CLIC5: variants seen among roughly 807,000 people sequenced by gnomAD.
CLIC5 encodes chloride intracellular channel protein 5.
CLIC5 carries 20 observed loss-of-function variants against 24.7 expected under a neutral mutation model. The ratio of observed to expected loss-of-function variants is 0.81; its 90% CI spans 0.57 to 1.18. The LOEUF is 1.18. Ranked by LOEUF, CLIC5 falls within the 50% of genes most tolerant of loss-of-function variation. CLIC5 has a pLI of 0.00. For missense variants in CLIC5, 341 were observed against 326.1 expected (o/e 1.05, Z -0.35); for synonymous variants, 159 against 135.6 (o/e 1.17, Z -1.20).
intron 1 of CLIC5, among the ~76,000 whole-genome samples, chr6:45,956,171 T>C (rs1764635437): frequency 6.6e-6 from 1 of 152,252 alleles, no homozygotes; most frequent in African/African-American, 2.4e-5. Context: ...TGCAGATCCC[T>C]GAATTTCATA....
At chr6:45,935,822 A>G (rs540359100) in intron 4 of CLIC5, among the ~76,000 whole-genome samples, 2 of 152,258 alleles carry the variant, frequency 1.3e-5, no homozygotes, top group African/African-American at 4.8e-5. Context: ...TCCACATGAG[A>G]AAAGCAGACA....
chr6:46,047,754 TTG>T (rs1179584796), intron 1 of CLIC5, among the ~76,000 whole-genome samples: 1 of 152,316 alleles, frequency 6.6e-6, no homozygotes, highest in African/African-American at 2.4e-5. Context: ...AGTGGAGGAA[TTG>T]TGTTACCTGT....
the CLIC5 span, among the ~76,000 whole-genome samples, chr6:46,116,827 A>T: frequency 6.6e-6 from 1 of 152,252 alleles, no homozygotes; most frequent in South Asian, 2.1e-4. Flanking sequence ...ATCAGAAGAG[A>T]AGGGCTCCCT....
chr6:46,004,016 T>G (rs140023497), intron 1 of CLIC5, among the ~76,000 whole-genome samples: 7 of 152,304 alleles, frequency 4.6e-5, no homozygotes, highest in African/African-American at 1.7e-4. Flanking sequence ...CAAAAAACTG[T>G]ATGTACACAC....
chr6:45,960,145 A>G (rs769698278), intron 1 of CLIC5, among the ~76,000 whole-genome samples: 2 of 152,170 alleles, frequency 1.3e-5, no homozygotes, highest in African/African-American at 2.4e-5. Flanking sequence ...TTGTTTTAAG[A>G]CATTCCATGA....
intron 1 of CLIC5, among the ~76,000 whole-genome samples, chr6:46,047,623 G>T (rs971724171): frequency 2.6e-5 from 4 of 152,172 alleles, no homozygotes; most frequent in Non-Finnish European, 5.9e-5. Context: ...ATATTTTTCA[G>T]TGGGAAGTAC....
chr6:46,048,805 G>A (rs1299760183), intron 1 of CLIC5, among the ~76,000 whole-genome samples: 3 of 152,166 alleles, frequency 2.0e-5, no homozygotes, highest in African/African-American at 7.2e-5. Flanking sequence ...TGGGGGCCAA[G>A]AGCCTGCAGT....
At chr6:45,939,474 A>T (rs928901535) in intron 4 of CLIC5, among the ~76,000 whole-genome samples, 29 of 152,040 alleles carry the variant, frequency 1.9e-4, no homozygotes, top group Admixed American at 1.9e-3. Context: ...TGTAGTCAAG[A>T]GCCACCACAC....
At chr6:46,124,492 A>T in the CLIC5 span, among the ~76,000 whole-genome samples, 6 of 152,212 alleles carry the variant, frequency 3.9e-5, no homozygotes, top group African/African-American at 1.4e-4. Context: ...AACCTAGGCA[A>T]TACCATTCAG....
chr6:46,080,369 T>C (rs1762894416), upstream of CLIC5: 6 of 687,554 alleles, frequency 8.7e-6, no homozygotes, highest in Middle Eastern at 5.7e-4. Context: ...AACTAGCAAC[T>C]GCTATCAATG....
At chr6:46,025,367 T>C (rs942457832) in intron 1 of CLIC5, among the ~76,000 whole-genome samples, 1 of 152,212 alleles carries the variant, frequency 6.6e-6, no homozygotes, top group African/African-American at 2.4e-5. Context: ...AATCCCTCAC[T>C]GCAAACTTCA....
the CLIC5 span, among the ~76,000 whole-genome samples, chr6:46,107,335 G>T: frequency 2.0e-5 from 3 of 152,166 alleles, no homozygotes; most frequent in Non-Finnish European, 4.4e-5. Flanking sequence ...GGTGAGGCCT[G>T]GGAACAGGGC....
chr6:46,048,906 G>A (rs956934354), intron 1 of CLIC5, among the ~76,000 whole-genome samples: 2 of 152,108 alleles, frequency 1.3e-5, no homozygotes, highest in Non-Finnish European at 2.9e-5. Flanking sequence ...CTTCATAGTT[G>A]CCAAGCAATG....
intron 1 of CLIC5, among the ~76,000 whole-genome samples, chr6:46,034,049 T>C (rs1767594841): frequency 6.6e-6 from 1 of 152,246 alleles, no homozygotes. Flanking sequence ...AAGCTACTAT[T>C]GGAAATGATG....
intron 1 of CLIC5, among the ~76,000 whole-genome samples, chr6:46,070,065 A>G (rs1421216522): frequency 2.0e-5 from 3 of 152,230 alleles, no homozygotes; most frequent in Non-Finnish European, 2.9e-5. Flanking sequence ...TATCAAAGGA[A>G]CATGCCTCAA....
the CLIC5 span, among the ~76,000 whole-genome samples, chr6:46,127,259 T>C: frequency 6.6e-6 from 1 of 152,222 alleles, no homozygotes; most frequent in Non-Finnish European, 1.5e-5. Context: ...CTTCTAGCTA[T>C]TTTGAAATAT....
At chr6:45,915,427 C>A (rs1248095326) in intron 4 of CLIC5, among the ~76,000 whole-genome samples, 6 of 152,078 alleles carry the variant, frequency 3.9e-5, no homozygotes, top group Non-Finnish European at 8.8e-5. Context: ...GAGTTGGGGA[C>A]AAGGCCTTCA....
At chr6:46,013,114 G>A (rs1474532244) in intron 1 of CLIC5, among the ~76,000 whole-genome samples, 1 of 152,146 alleles carries the variant, frequency 6.6e-6, no homozygotes, top group East Asian at 1.9e-4. Flanking sequence ...GAAACAAGAG[G>A]TTGGGAGGTC....
rs1231517236 is a variant in CLIC5 at position 45,904,665 on chromosome 6, C to A, written c.589-1410G>T. On this transcript the variant is annotated intron_variant, in intron 5 of 5. Coordinates refer to ENST00000339561, the MANE Select transcript of CLIC5 (RefSeq NM_016929.5). The stretch of plus-strand genomic sequence containing the variant: ...TTCTGTCCCTTTCCTTCCCTCCCTA[C>A]TCCCTTCCTTCCTTCCTTCCTTCCA... Among the ~76,000 whole-genome samples, 3 of 2,420 alleles carry A rather than the reference C, an allele frequency of 1.2e-3. No individual in the cohort carries two copies. The Admixed American group carries it at 0.018, about 15-fold the overall frequency. The allele number at this position is 2,420 out of a possible 152,430, so 1.6% of individuals were successfully genotyped here.
Sources: gnomAD v4.1 joint callset for allele counts (sites outside exome capture counted in the v4.1 genomes callset) on GRCh38, gnomAD v4.1.1 for gene constraint, MANE v1.5 for transcripts, NCBI Gene and HGNC (gene_info 2026-07-23, HGNC 2026-07-21) for gene names.